Variants in HS6ST2 observed in about 807,000 individuals in gnomAD.
HS6ST2 encodes the protein heparan sulfate 6-O-sulfotransferase 2, also known as heparan-sulfate 6-O-sulfotransferase 2.
In HS6ST2, 17 loss-of-function variants were observed where a neutral mutation model predicts 33.0. The ratio of observed to expected loss-of-function variants is 0.52; its 90% CI spans 0.35 to 0.77. HS6ST2 has a LOEUF of 0.77. Ranked by LOEUF, HS6ST2 falls within the 30% of genes least tolerant of loss-of-function variation. The probability of loss-of-function intolerance (pLI) is 0.01; values close to 1 mark genes in which losing one functional copy is unlikely to be tolerated. For synonymous variants in HS6ST2, 248 were observed against 237.1 expected (o/e 1.05, Z -0.42); for missense variants, 519 against 551.7 (o/e 0.94, Z 0.59).
rs535621853 is a variant in HS6ST2 at position 132,864,184 on chromosome X, C to T, written c.947+92624G>A. On this transcript the variant is annotated intron_variant, in intron 2 of 4. Coordinates refer to ENST00000370833, the MANE Select transcript of HS6ST2 (RefSeq NM_001394073.1). ...CGGCTGAAAATTCCAAAAACCAGCACGCCTCTTCACCTCCAAAGGATCACA... is the reference window on the plus strand; with the variant it reads ...CGGCTGAAAATTCCAAAAACCAGCATGCCTCTTCACCTCCAAAGGATCACA... Among the ~76,000 whole-genome samples the T allele has an allele frequency of 1.4e-4, 15 of 109,757 alleles. No individual in the cohort carries two copies. The South Asian group carries it at 3.3e-3, about 24-fold the overall frequency.
intron 2 of HS6ST2, among the ~76,000 whole-genome samples, chrX:132,775,206 G>A (rs1348079638): frequency 9.0e-6 from 1 of 111,529 alleles, no homozygotes; most frequent in East Asian, 2.8e-4. Context: ...CGCTAGTTCT[G>A]TTCTCATGTT....
rs916088563 is a variant in HS6ST2 at position 132,794,574 on chromosome X, G to GATGATGATTATTATTATT, written c.948-86081_948-86080insAATAATAATAATCATCAT. On this transcript the variant is annotated intron_variant, in intron 2 of 4. Transcript: ENST00000370833. ...ACTCCTGGATGATGATGATGATGAT[G>GATGATGATTATTATTATT]ATTATTATTATTATTATTATTATTA... is the stretch of plus-strand genomic sequence containing the variant. Among the ~76,000 whole-genome samples, 102 of 99,066 alleles carry GATGATGATTATTATTATT rather than the reference G, an allele frequency of 1.0e-3. 1 individual carries two copies. The East Asian group carries it at 0.018, about 18-fold the overall frequency. 86.0% of individuals were successfully genotyped at this position (99,066 alleles called of 115,157 possible).
At chrX:132,789,992 C>G (rs1387308628) in intron 2 of HS6ST2, among the ~76,000 whole-genome samples, 2 of 112,367 alleles carry the variant, frequency 1.8e-5, no homozygotes, top group Non-Finnish European at 3.8e-5. Context: ...GTTGAAATGA[C>G]AAGAAAACAT....
At chrX:132,956,558 G>T (rs1387303779) in intron 2 of HS6ST2, among the ~76,000 whole-genome samples, 1 of 112,458 alleles carries the variant, frequency 8.9e-6, no homozygotes, top group African/African-American at 3.2e-5. Flanking sequence ...TCCCCCGCAC[G>T]CTCTGCCAAC....
intron 2 of HS6ST2, among the ~76,000 whole-genome samples, chrX:132,946,389 C>A (rs964699175): frequency 8.9e-6 from 1 of 112,099 alleles, no homozygotes; most frequent in Admixed American, 9.4e-5. Context: ...CATTGATAGA[C>A]TGGACTAAGA....
chrX:132,810,141 C>T (rs1029656539), intron 2 of HS6ST2, among the ~76,000 whole-genome samples: 1 of 111,742 alleles, frequency 8.9e-6, no homozygotes, highest in African/African-American at 3.3e-5. Flanking sequence ...CATGGTGGCT[C>T]ACACCTGTAA....
At chrX:132,706,283 C>A (rs994286401) in intron 3 of HS6ST2, among the ~76,000 whole-genome samples, 1 of 112,018 alleles carries the variant, frequency 8.9e-6, no homozygotes, top group Admixed American at 9.5e-5. Context: ...AGCAGCAGAA[C>A]TGATTGGCAT....
intron 2 of HS6ST2, among the ~76,000 whole-genome samples, chrX:132,773,421 C>A (rs1196220396): frequency 9.2e-6 from 1 of 108,835 alleles, no homozygotes; most frequent in Non-Finnish European, 1.9e-5. Flanking sequence ...TCTGACAGTC[C>A]CTCAAAAAGT....
At chrX:132,642,123 C>G (rs375149775) in intron 4 of HS6ST2, among the ~76,000 whole-genome samples, 2 of 110,979 alleles carry the variant, frequency 1.8e-5, no homozygotes, top group African/African-American at 6.5e-5. Context: ...AAGTAAGAGG[C>G]CTTTTTCACA....
At chrX:132,810,339 G>C (rs904775778) in intron 2 of HS6ST2, among the ~76,000 whole-genome samples, 2 of 109,380 alleles carry the variant, frequency 1.8e-5, no homozygotes, top group Non-Finnish European at 3.8e-5. Flanking sequence ...CTGTGAGTTT[G>C]AGGCTGCAGT....
At chrX:132,819,756 A>G (rs188774462) in intron 2 of HS6ST2, among the ~76,000 whole-genome samples, 13 of 112,068 alleles carry the variant, frequency 1.2e-4, no homozygotes, top group Non-Finnish European at 5.6e-5. Flanking sequence ...CTGACAAAAA[A>G]GTGAACTTGC....
intron 2 of HS6ST2, among the ~76,000 whole-genome samples, chrX:132,815,129 CA>C (rs1332342339): frequency 8.9e-6 from 1 of 111,769 alleles, no homozygotes; most frequent in Non-Finnish European, 1.9e-5. Context: ...CCCTAACACT[CA>C]AAAATATATG....
chrX:132,769,526 C>T (rs1256333076), intron 2 of HS6ST2, among the ~76,000 whole-genome samples: 2 of 112,030 alleles, frequency 1.8e-5, no homozygotes, highest in African/African-American at 6.5e-5. Flanking sequence ...TCCTCTGCAG[C>T]TTTTCCAGCC....
chrX:132,786,408 T>C (rs1047443483), intron 2 of HS6ST2, among the ~76,000 whole-genome samples: 1 of 111,080 alleles, frequency 9.0e-6, no homozygotes, highest in Non-Finnish European at 1.9e-5. Flanking sequence ...TCTTCCAAAC[T>C]ACAAAGGTTC....
intron 2 of HS6ST2, among the ~76,000 whole-genome samples, chrX:132,743,232 G>A (rs1161277323): frequency 8.9e-6 from 1 of 112,529 alleles, no homozygotes; most frequent in African/African-American, 3.2e-5. Context: ...GCTAGAAGCT[G>A]GGGGAGACCT....
intron 2 of HS6ST2, among the ~76,000 whole-genome samples, chrX:132,729,737 A>G (rs1047812252): frequency 8.9e-5 from 10 of 112,086 alleles, no homozygotes; most frequent in African/African-American, 3.2e-4. Flanking sequence ...TTGTTCTTTT[A>G]AATGGATTAA....
At chrX:132,741,029 T>C (rs944793603) in intron 2 of HS6ST2, among the ~76,000 whole-genome samples, 6 of 112,281 alleles carry the variant, frequency 5.3e-5, no homozygotes, top group African/African-American at 1.9e-4. Context: ...TTTTTGTGCT[T>C]GAAAAGGCAA....
chrX:132,865,219 T>C (rs1335376308), intron 2 of HS6ST2, among the ~76,000 whole-genome samples: 2 of 104,167 alleles, frequency 1.9e-5, no homozygotes, highest in Non-Finnish European at 3.9e-5. Flanking sequence ...TGAGTGAGAA[T>C]ATGCGGTGTT....
chrX:132,653,381 A>G (rs1374684658), intron 4 of HS6ST2, among the ~76,000 whole-genome samples: 1 of 112,353 alleles, frequency 8.9e-6, no homozygotes, highest in African/African-American at 3.2e-5. Context: ...GATGTGAATT[A>G]CTTTTTCCCT....
Sources: gnomAD v4.1 joint callset for allele counts (sites outside exome capture counted in the v4.1 genomes callset) on GRCh38, gnomAD v4.1.1 for gene constraint, MANE v1.5 for transcripts, NCBI Gene and HGNC (gene_info 2026-07-23, HGNC 2026-07-21) for gene names.